The following SOX5 variants were observed in gnomAD, a reference collection of about 807,000 sequenced individuals.
The protein encoded by SOX5 is transcription factor SOX-5.
Under a neutral mutation model 92.0 loss-of-function variants are expected in SOX5, and 9 were observed. The ratio of observed to expected loss-of-function variants is 0.10; its 90% CI spans 0.06 to 0.17. The LOEUF (loss-of-function observed/expected upper bound fraction) is 0.17, where lower values mean the gene tolerates loss of function less well. Ranked by LOEUF, SOX5 falls within the 10% of genes least tolerant of loss-of-function variation. The pLI is 1.00. For missense variants in SOX5, 642 were observed against 944.5 expected (o/e 0.68, Z 4.20); for synonymous variants, 344 against 336.3 (o/e 1.02, Z -0.25).
At chr12:23,558,181 T>C (rs918134709) in intron 11 of SOX5, among the ~76,000 whole-genome samples, 3 of 152,134 alleles carry the variant, frequency 2.0e-5, no homozygotes, top group Non-Finnish European at 2.9e-5. Flanking sequence ...CCAGCTAACA[T>C]TACCTTTGAT....
intron 3 of SOX5, among the ~76,000 whole-genome samples, chr12:24,221,529 C>T (rs1211198890): frequency 6.6e-6 from 1 of 152,146 alleles, no homozygotes; most frequent in Non-Finnish European, 1.5e-5. Context: ...GCTTTTAAAT[C>T]TCCATTTCTT....
chr12:23,758,901 C>G (rs1030235834), intron 3 of SOX5, among the ~76,000 whole-genome samples: 5 of 151,848 alleles, frequency 3.3e-5, no homozygotes, highest in African/African-American at 1.2e-4. Flanking sequence ...AGGCCCTCAC[C>G]AGATGCTAGC....
chr12:23,997,195 C>T (rs186940298), intron 4 of SOX5, among the ~76,000 whole-genome samples: 1 of 152,264 alleles, frequency 6.6e-6, no homozygotes, highest in East Asian at 1.9e-4. Flanking sequence ...GCATTGCATC[C>T]TTGAGCAGTT....
intron 2 of SOX5, among the ~76,000 whole-genome samples, chr12:23,883,602 G>A (rs1246153222): frequency 6.6e-6 from 1 of 152,080 alleles, no homozygotes; most frequent in African/African-American, 2.4e-5. Flanking sequence ...ATTTTAATAT[G>A]AGAAAACAAA....
At chr12:23,858,094 T>C (rs1281868381) in intron 2 of SOX5, among the ~76,000 whole-genome samples, 23 of 151,876 alleles carry the variant, frequency 1.5e-4, no homozygotes, top group Admixed American at 1.2e-3. Context: ...TGTGTGTATA[T>C]GCAAGGCAGG....
intron 2 of SOX5, among the ~76,000 whole-genome samples, chr12:24,332,379 G>A (rs1489880105): frequency 6.6e-6 from 1 of 152,102 alleles, no homozygotes; most frequent in Non-Finnish European, 1.5e-5. Flanking sequence ...TAAATCAGCT[G>A]TGAGGGAAAA....
intron 2 of SOX5, among the ~76,000 whole-genome samples, chr12:23,884,567 G>GC (rs1380320833): frequency 1.3e-5 from 2 of 152,126 alleles, no homozygotes; most frequent in African/African-American, 4.8e-5. Context: ...TGTTCTACCT[G>GC]CCTCCCCCAC....
At chr12:23,859,056 C>T (rs986750134) in intron 2 of SOX5, among the ~76,000 whole-genome samples, 7 of 152,130 alleles carry the variant, frequency 4.6e-5, no homozygotes, top group South Asian at 2.1e-4. Context: ...GTGATGATTG[C>T]GTTAACTGTA....
At chr12:23,573,672 G>A (rs902013518) in intron 10 of SOX5, among the ~76,000 whole-genome samples, 1 of 152,124 alleles carries the variant, frequency 6.6e-6, no homozygotes, top group Non-Finnish European at 1.5e-5. Flanking sequence ...CTTGCCTTGA[G>A]TTGGGCTGGA....
chr12:24,314,012 A>C (rs973082730), intron 2 of SOX5, among the ~76,000 whole-genome samples: 1 of 152,136 alleles, frequency 6.6e-6, no homozygotes, highest in Non-Finnish European at 1.5e-5. Context: ...CAAAAAATCC[A>C]GTTGATGGAA....
At chr12:23,739,920 C>G (rs565429031) in intron 5 of SOX5, among the ~76,000 whole-genome samples, 111 of 152,186 alleles carry the variant, frequency 7.3e-4, no homozygotes, top group African/African-American at 2.5e-3. Flanking sequence ...GTTATCTGCT[C>G]CTTTATCTGT....
chr12:23,600,412 A>T (rs1239111404), intron 9 of SOX5, among the ~76,000 whole-genome samples: 1 of 151,246 alleles, frequency 6.6e-6, no homozygotes, highest in Non-Finnish European at 1.5e-5. Context: ...CAAGCGTATG[A>T]GTATTTAGAA....
intron 3 of SOX5, among the ~76,000 whole-genome samples, chr12:23,792,219 G>C (rs2095486191): frequency 6.6e-6 from 1 of 152,034 alleles, no homozygotes; most frequent in Non-Finnish European, 1.5e-5. Context: ...GATTGAGAGA[G>C]TGTCTACAAT....
intron 2 of SOX5, among the ~76,000 whole-genome samples, chr12:24,361,979 G>A (rs1009539065): frequency 1.3e-5 from 2 of 152,228 alleles, no homozygotes; most frequent in African/African-American, 4.8e-5. Flanking sequence ...AAGATGAACA[G>A]TGCCACTGAG....
At chr12:24,275,354 CAT>C (rs1198035171) in intron 3 of SOX5, among the ~76,000 whole-genome samples, 1 of 152,040 alleles carries the variant, frequency 6.6e-6, no homozygotes, top group African/African-American at 2.4e-5. Context: ...TATGTGCATA[CAT>C]GTGTGTACAT....
chr12:24,156,374 A>C (rs1396358704), intron 4 of SOX5, among the ~76,000 whole-genome samples: 1 of 152,108 alleles, frequency 6.6e-6, no homozygotes, highest in Non-Finnish European at 1.5e-5. Context: ...GCACTTCCTT[A>C]ATAAATAACA....
chr12:24,181,328 C>T (rs974251127), intron 4 of SOX5, among the ~76,000 whole-genome samples: 1 of 152,112 alleles, frequency 6.6e-6, no homozygotes, highest in Non-Finnish European at 1.5e-5. Flanking sequence ...ATCATCTTGC[C>T]CTGTTGCTCA....
intron 13 of SOX5, among the ~76,000 whole-genome samples, chr12:23,537,329 C>G (rs1009699759): frequency 6.6e-6 from 1 of 152,160 alleles, no homozygotes; most frequent in Non-Finnish European, 1.5e-5. Flanking sequence ...GCATTTCTAT[C>G]TATTTTCATA....
At chr12:24,329,023 A>C (rs1951012911) in intron 2 of SOX5, among the ~76,000 whole-genome samples, 1 of 152,196 alleles carries the variant, frequency 6.6e-6, no homozygotes. Flanking sequence ...ATTAACACTT[A>C]AGGTTTCTCT....
Sources: allele counts gnomAD v4.1 joint callset (sites outside exome capture counted in the v4.1 genomes callset), GRCh38; gene constraint gnomAD v4.1.1; transcripts MANE v1.5; gene names NCBI Gene and HGNC (gene_info 2026-07-23, HGNC 2026-07-21).